PDE10A: variants seen among roughly 807,000 people sequenced by gnomAD.
PDE10A encodes cAMP and cAMP-inhibited cGMP 3',5'-cyclic phosphodiesterase 10A.
In PDE10A, 39 loss-of-function variants were observed where a neutral mutation model predicts 97.7. The observed-to-expected ratio is 0.40, with a 90% CI of 0.31 to 0.52. The LOEUF (loss-of-function observed/expected upper bound fraction) is 0.52, where lower values mean the gene tolerates loss of function less well. Among genes scored for constraint, PDE10A ranks in the 20% least tolerant of loss-of-function variants. The probability of loss-of-function intolerance (pLI) is 0.56; values close to 1 mark genes in which losing one functional copy is unlikely to be tolerated. For missense variants in PDE10A, 731 were observed against 1,047.8 expected, an observed-to-expected ratio of 0.70 and a Z score of 4.17; for synonymous variants, 371 against 376.8, an observed-to-expected ratio of 0.98 and a Z score of 0.18.
chr6:165,593,395 T>C (rs747016174), intron 1 of PDE10A, among the ~76,000 whole-genome samples: 1 of 152,046 alleles, frequency 6.6e-6, no homozygotes, highest in Non-Finnish European at 1.5e-5. Context: ...TGTATACCTA[T>C]ATAACAAACC....
At chr6:165,598,455 A>G (rs1182542679) in intron 1 of PDE10A, among the ~76,000 whole-genome samples, 1 of 152,236 alleles carries the variant, frequency 6.6e-6, no homozygotes, top group African/African-American at 2.4e-5. Flanking sequence ...AAACACTTGT[A>G]CAGAAGTTGC....
At chr6:165,514,177 AT>A (rs1781662827) in intron 2 of PDE10A, among the ~76,000 whole-genome samples, 1 of 152,166 alleles carries the variant, frequency 6.6e-6, no homozygotes, top group African/African-American at 2.4e-5. Context: ...TACATATTAC[AT>A]TGGTTTGCTA....
At chr6:165,976,902 A>G (rs1784865562) in intron 1 of PDE10A, among the ~76,000 whole-genome samples, 1 of 152,218 alleles carries the variant, frequency 6.6e-6, no homozygotes, top group South Asian at 2.1e-4. Flanking sequence ...CTCCTGGAGC[A>G]ATCAAACCCT....
chr6:165,704,119 G>T (rs756986654), intron 1 of PDE10A, among the ~76,000 whole-genome samples: 2 of 152,194 alleles, frequency 1.3e-5, no homozygotes, highest in Non-Finnish European at 1.5e-5. Flanking sequence ...GAGAAACTCT[G>T]TATACGTTTG....
At chr6:165,568,246 G>A (rs527909670) in intron 1 of PDE10A, among the ~76,000 whole-genome samples, 91 of 152,096 alleles carry the variant, frequency 6.0e-4, no homozygotes, top group Non-Finnish European at 1.0e-3. Context: ...TGATCCGCCC[G>A]CCTCGGCCTC....
chr6:165,976,098 G>A (rs1308150032), intron 1 of PDE10A, among the ~76,000 whole-genome samples: 1 of 152,164 alleles, frequency 6.6e-6, no homozygotes, highest in African/African-American at 2.4e-5. Flanking sequence ...AAATTAGCAT[G>A]TTGTCAGTTA....
chr6:165,627,115 G>A (rs141550572), intron 1 of PDE10A, among the ~76,000 whole-genome samples: 1 of 152,162 alleles, frequency 6.6e-6, no homozygotes, highest in African/African-American at 2.4e-5. Flanking sequence ...ATTGCCTTAG[G>A]TGCACAAAGA....
intron 2 of PDE10A, among the ~76,000 whole-genome samples, chr6:165,518,320 C>T (rs370809011): frequency 2.6e-5 from 4 of 152,178 alleles, no homozygotes; most frequent in East Asian, 3.8e-4. Context: ...CAGTTACCCA[C>T]AGTCAACCAC....
intron 13 of PDE10A, among the ~76,000 whole-genome samples, chr6:165,402,406 A>T (rs1413141730): frequency 6.6e-6 from 1 of 152,124 alleles, no homozygotes; most frequent in Non-Finnish European, 1.5e-5. Flanking sequence ...CCATTTTCTA[A>T]ATGACCTTTA....
chr6:165,537,517 C>T (rs2128319055), intron 2 of PDE10A, among the ~76,000 whole-genome samples: 1 of 151,926 alleles, frequency 6.6e-6, no homozygotes, highest in East Asian at 1.9e-4. Flanking sequence ...ATCACCTGAA[C>T]CTCATAAATA....
At chr6:165,527,899 T>C (rs949328831) in intron 2 of PDE10A, among the ~76,000 whole-genome samples, 1 of 152,174 alleles carries the variant, frequency 6.6e-6, no homozygotes, top group African/African-American at 2.4e-5. Context: ...GGTTCACAGA[T>C]GGTTCTGCAC....
At position 165,343,386 on chromosome 6, in the gene PDE10A, C is replaced by T; in HGVS notation, c.2895+5G>A. On this transcript the variant is annotated splice_donor_5th_base_variant and intron_variant, in intron 19 of 21. Transcript: ENST00000539869. Reference sequence around the variant, plus strand: ...TCTATGTCAATATAAGAATCAAGGACATACCTCAGCCCAGAATTCTGCATA... The same window carrying T: ...TCTATGTCAATATAAGAATCAAGGATATACCTCAGCCCAGAATTCTGCATA... 6.3e-7 allele frequency: 1 copy of T among 1,585,190 alleles called. No individual in the cohort carries two copies. The highest frequency in any genetic ancestry group is 8.7e-7 in the Non-Finnish European group (1 of 1,153,744).
chr6:165,380,368 C>T (rs748151289), intron 17 of PDE10A, among the ~76,000 whole-genome samples: 2 of 152,118 alleles, frequency 1.3e-5, no homozygotes, highest in Non-Finnish European at 2.9e-5. Flanking sequence ...AAAAATTAGA[C>T]ATCTCACTAA....
At chr6:165,826,354 G>A (rs1017854713) in intron 1 of PDE10A, among the ~76,000 whole-genome samples, 15 of 149,872 alleles carry the variant, frequency 1.0e-4, no homozygotes, top group African/African-American at 1.7e-4. Context: ...CTGTGTCCCC[G>A]TGTCCCTCTG....
At position 165,965,236 on chromosome 6, in the gene PDE10A, G is replaced by A. The variant is rs142749877; in HGVS notation, c.-615+22293C>T. Among the ~76,000 whole-genome samples, 223 of 152,310 alleles carry A rather than the reference G, an allele frequency of 1.5e-3. 2 individuals are homozygous for A. Among genetic ancestry groups the A allele is most frequent in the African/African-American group, 5.0e-3 (209 of 41,570 alleles). ...AGGTAGGTGCCCCGAGGAGAGGGATGGCGAGGAGGTGGGACTTACGCAACT... is the reference window on the plus strand; with the variant it reads ...AGGTAGGTGCCCCGAGGAGAGGGATAGCGAGGAGGTGGGACTTACGCAACT... On this transcript the variant is annotated intron_variant, in intron 1 of 19. Coordinates refer to the PDE10A transcript ENST00000366882.
chr6:165,794,319 C>T (rs1382384921), intron 1 of PDE10A, among the ~76,000 whole-genome samples: 1 of 151,642 alleles, frequency 6.6e-6, no homozygotes, highest in Non-Finnish European at 1.5e-5. Flanking sequence ...CTCACACATA[C>T]TCATCACACA....
intron 1 of PDE10A, among the ~76,000 whole-genome samples, chr6:165,701,310 C>A (rs1791563943): frequency 6.6e-6 from 1 of 152,228 alleles, no homozygotes; most frequent in Non-Finnish European, 1.5e-5. Flanking sequence ...ATATGTTTGT[C>A]TTCTGACTGT....
intron 1 of PDE10A, among the ~76,000 whole-genome samples, chr6:165,725,287 A>G (rs1357815785): frequency 6.6e-6 from 1 of 152,244 alleles, no homozygotes; most frequent in Non-Finnish European, 1.5e-5. Flanking sequence ...CAGAGGGTCT[A>G]ATTGAGCTAT....
rs1024825960 is a variant in PDE10A, at chr6:165,662,871, G to A, written c.-60C>T. ...GGCGGGAGGGGCGCGGCGGGCCGGG[G>A]CTCGGTGGGCTCCGCCCCCGCAGGA... On this transcript the variant is annotated 5_prime_UTR_variant, in exon 1 of 22. Transcript: ENST00000539869. 1.3e-4 allele frequency among the ~76,000 whole-genome samples: 20 copies of A among 151,054 alleles called. No individual in the cohort carries two copies. The highest frequency in any genetic ancestry group is 7.9e-4 in the Admixed American group (12 of 15,220).
Sources: gnomAD v4.1 joint callset for allele counts (sites outside exome capture counted in the v4.1 genomes callset) on GRCh38, gnomAD v4.1.1 for gene constraint, MANE v1.5 for transcripts, NCBI Gene and HGNC (gene_info 2026-07-23, HGNC 2026-07-21) for gene names.